SLC39A8: variants seen among roughly 807,000 people sequenced by gnomAD.
The protein encoded by SLC39A8 is solute carrier family 39 member 8.
In SLC39A8, 15 loss-of-function variants were observed where a neutral mutation model predicts 40.4. The observed-to-expected ratio is 0.37, with a 90% CI of 0.25 to 0.57. The LOEUF is 0.57. Ranked by LOEUF, SLC39A8 falls within the 20% of genes least tolerant of loss-of-function variation. The pLI is 0.75. For missense variants in SLC39A8, 472 were observed against 558.8 expected, an observed-to-expected ratio of 0.84 and a Z score of 1.57; for synonymous variants, 223 against 221.6, an observed-to-expected ratio of 1.01 and a Z score of -0.06.
chr4:102,307,580 C>A lies in SLC39A8; in HGVS notation c.408G>T (p.Val136=). Residue 136 remains valine (V), a synonymous_variant, in exon 4 of 9, where the codon GTG becomes GTT. Coordinates refer to ENST00000356736, the MANE Select transcript of SLC39A8 (RefSeq NM_001135146.2). ...SEVWGYGFLS[V]TIINLASLLG... ...GGAGAGATGCCAGATTAATAATCGTCACTGACAGGAATCCATATCCCCAAA... is the reference window on the plus strand; with the variant it reads ...GGAGAGATGCCAGATTAATAATCGTAACTGACAGGAATCCATATCCCCAAA... 1 of 1,613,206 alleles carries A rather than the reference C, an allele frequency of 6.2e-7. No homozygotes were observed. The highest frequency in any genetic ancestry group is 8.5e-7 in the Non-Finnish European group (1 of 1,179,488).
chr4:102,307,890 G>A (rs571617859), intron 3 of SLC39A8, among the ~76,000 whole-genome samples: 2 of 151,898 alleles, frequency 1.3e-5, no homozygotes, highest in Non-Finnish European at 2.9e-5. Context: ...CTAGAACAGC[G>A]AACAGCGACA....
chr4:102,338,655 C>T (rs1009690723), intron 2 of SLC39A8, among the ~76,000 whole-genome samples: 4 of 152,120 alleles, frequency 2.6e-5, no homozygotes, highest in Admixed American at 2.0e-4. Context: ...GTCATGGTTG[C>T]TCTAGCTAGA....
downstream of SLC39A8, among the ~76,000 whole-genome samples, chr4:102,258,016 G>T (rs4476601): frequency 0.47 from 71,900 of 151,952 alleles, 19,955 homozygotes; most frequent in African/African-American, 0.78. Flanking sequence ...CCTGAGCATG[G>T]GGTTCCTTTG....
chr4:102,261,920 T>C lies in SLC39A8; in HGVS notation c.*1124A>G. 4 of 985,726 alleles carry C rather than the reference T, an allele frequency of 4.1e-6. No homozygotes were observed. The highest frequency in any genetic ancestry group is 4.8e-6 in the Non-Finnish European group (4 of 829,674). The allele number at this position is 985,726 out of a possible 1,614,324, so 61.1% of individuals were successfully genotyped here. On this transcript the variant is annotated 3_prime_UTR_variant, in exon 9 of 9. Transcript: ENST00000356736. ...AGGATGTTCAATTTTAGACCAATTTTCTCTATCTTCTAAATGAGTAAACAG... is the reference window on the plus strand; with the variant it reads ...AGGATGTTCAATTTTAGACCAATTTCCTCTATCTTCTAAATGAGTAAACAG...
intron 6 of SLC39A8, among the ~76,000 whole-genome samples, chr4:102,301,257 G>C (rs1300056331): frequency 6.6e-6 from 1 of 152,046 alleles, no homozygotes; most frequent in Non-Finnish European, 1.5e-5. Flanking sequence ...ATGTGGGGAA[G>C]TCCACTACCA....
intron 6 of SLC39A8, among the ~76,000 whole-genome samples, chr4:102,295,345 T>G (rs1311818146): frequency 6.6e-6 from 1 of 152,012 alleles, no homozygotes; most frequent in African/African-American, 2.4e-5. Flanking sequence ...AAATGCTGAC[T>G]ATTTAAATGT....
chr4:102,302,193 C>T (rs373845585), intron 6 of SLC39A8, among the ~76,000 whole-genome samples: 47 of 152,130 alleles, frequency 3.1e-4, no homozygotes, highest in East Asian at 1.7e-3. Context: ...ATCTTGTTAA[C>T]GCTGGAAAGA....
intron 2 of SLC39A8, among the ~76,000 whole-genome samples, chr4:102,323,407 G>A (rs897381791): frequency 6.6e-6 from 1 of 152,210 alleles, no homozygotes; most frequent in Non-Finnish European, 1.5e-5. Flanking sequence ...AATGAGGTCA[G>A]GGAAGGCTTC....
At chr4:102,315,605 A>C in intron 3 of SLC39A8, 63 bp downstream of exon 3, 2 of 1,429,206 alleles carry the variant, frequency 1.4e-6, no homozygotes, top group Non-Finnish European at 1.9e-6. Context: ...GAGGCATATT[A>C]ACTTCATTTC....
At chr4:102,282,100 CAA>C (rs1451883248) in intron 6 of SLC39A8, among the ~76,000 whole-genome samples, 1 of 152,112 alleles carries the variant, frequency 6.6e-6, no homozygotes, top group Non-Finnish European at 1.5e-5. Context: ...GTAAATTAAC[CAA>C]AGTCATACCT....
chr4:102,335,325 T>A (rs761627784), intron 2 of SLC39A8, among the ~76,000 whole-genome samples: 2 of 152,216 alleles, frequency 1.3e-5, no homozygotes, highest in African/African-American at 4.8e-5. Context: ...ATTTTACTGT[T>A]CGCTGAAGTT....
At chr4:102,314,952 A>G (rs894967000) in intron 3 of SLC39A8, among the ~76,000 whole-genome samples, 2 of 152,168 alleles carry the variant, frequency 1.3e-5, no homozygotes, top group African/African-American at 4.8e-5. Flanking sequence ...CGTTCAATAA[A>G]TATTTGCTTA....
chr4:102,335,741 G>A (rs1171567134), intron 2 of SLC39A8, among the ~76,000 whole-genome samples: 2 of 152,124 alleles, frequency 1.3e-5, no homozygotes, highest in African/African-American at 2.4e-5. Context: ...ACATTTTCAA[G>A]AATTTACTAC....
exon 12 of SLC39A8, chr4:102,252,664 AT>A (rs1211481434): frequency 1.3e-5 from 2 of 152,198 alleles, no homozygotes; most frequent in East Asian, 1.9e-4. Flanking sequence ...GGATGTCCTC[AT>A]GGACCATCTT....
At chr4:102,258,791 A>G (rs1731772274), downstream of SLC39A8, among the ~76,000 whole-genome samples, 1 of 152,148 alleles carries the variant, frequency 6.6e-6, no homozygotes, top group Admixed American at 6.5e-5. Flanking sequence ...CTGCCAAGTG[A>G]TGTATTCTAG....
intron 6 of SLC39A8, among the ~76,000 whole-genome samples, chr4:102,290,011 C>A (rs935966870): frequency 6.6e-6 from 1 of 152,152 alleles, no homozygotes; most frequent in Non-Finnish European, 1.5e-5. Flanking sequence ...ACAGCATGTT[C>A]TCGCATGTAC....
chr4:102,289,325 G>C (rs1383825484), intron 6 of SLC39A8, among the ~76,000 whole-genome samples: 1 of 152,108 alleles, frequency 6.6e-6, no homozygotes, highest in African/African-American at 2.4e-5. Context: ...AAATATTACT[G>C]CTTATTGACA....
chr4:102,300,943 C>T (rs1733898704), intron 6 of SLC39A8, among the ~76,000 whole-genome samples: 2 of 151,898 alleles, frequency 1.3e-5, no homozygotes, highest in Non-Finnish European at 2.9e-5. Context: ...AAATTGCAGT[C>T]TGTTGCTCAA....
At chr4:102,287,226 T>C (rs891036830) in intron 6 of SLC39A8, among the ~76,000 whole-genome samples, 10 of 152,270 alleles carry the variant, frequency 6.6e-5, no homozygotes, top group African/African-American at 2.2e-4. Flanking sequence ...AGTGAGTTCA[T>C]GAACCCCTTT....
Sources: gnomAD v4.1 joint callset for allele counts (sites outside exome capture counted in the v4.1 genomes callset) on GRCh38, gnomAD v4.1.1 for gene constraint, MANE v1.5 for transcripts, NCBI Gene and HGNC (gene_info 2026-07-23, HGNC 2026-07-21) for gene names.